The following HSPA12A variants were observed in gnomAD, a reference collection of about 807,000 sequenced individuals.
The protein encoded by HSPA12A is heat shock 70 kDa protein 12A.
HSPA12A carries 28 observed loss-of-function variants against 69.2 expected under a neutral mutation model. The ratio of observed to expected loss-of-function variants is 0.40; its 90% CI spans 0.30 to 0.55. HSPA12A has a LOEUF of 0.55. Ranked by LOEUF, HSPA12A falls within the 20% of genes least tolerant of loss-of-function variation. HSPA12A has a pLI of 0.38. For missense variants in HSPA12A, 686 were observed against 900.7 expected (o/e 0.76, Z 3.05); for synonymous variants, 345 against 370.5 (o/e 0.93, Z 0.79).
intron 3 of HSPA12A, among the ~76,000 whole-genome samples, chr10:116,704,811 T>C (rs1473165590): frequency 6.6e-6 from 1 of 152,126 alleles, no homozygotes; most frequent in Non-Finnish European, 1.5e-5. Context: ...ACACAGTAAG[T>C]GGCCAAGCTG....
At chr10:116,740,562 G>A (rs1180976728) in intron 1 of HSPA12A, among the ~76,000 whole-genome samples, 2 of 151,948 alleles carry the variant, frequency 1.3e-5, no homozygotes, top group East Asian at 1.9e-4. Context: ...CAGAACAAAC[G>A]CAGAAGAGCG....
intron 1 of HSPA12A, among the ~76,000 whole-genome samples, chr10:116,844,370 G>A (rs774125967): frequency 1.3e-5 from 2 of 152,054 alleles, no homozygotes; most frequent in Non-Finnish European, 2.9e-5. Flanking sequence ...CATCGATGAA[G>A]AAAAAAACAA....
chr10:116,850,127 GCTC>G, upstream of HSPA12A: 1 of 296,002 alleles, frequency 3.4e-6, no homozygotes, highest in Non-Finnish European at 6.6e-6. Context: ...ACCTTAAGCA[GCTC>G]CTCTTTGATC....
chr10:116,684,601 G>A (rs1231618728), intron 6 of HSPA12A, among the ~76,000 whole-genome samples: 2 of 152,094 alleles, frequency 1.3e-5, no homozygotes, highest in Admixed American at 1.3e-4. Flanking sequence ...GCTCCAGGAG[G>A]AAGCCCCTCC....
intron 2 of HSPA12A, chr10:116,750,456 A>T: frequency 1.8e-6 from 1 of 563,180 alleles, no homozygotes; most frequent in South Asian, 2.0e-5. Context: ...TATGATTTTG[A>T]AAACAAGGAA....
chr10:116,767,526 C>T (rs1844107205), intron 2 of HSPA12A, among the ~76,000 whole-genome samples: 1 of 152,324 alleles, frequency 6.6e-6, no homozygotes, highest in South Asian at 2.1e-4. Context: ...CTCCCACTAG[C>T]CTCAGCCAGC....
chr10:116,846,528 T>C (rs1845889005), intron 1 of HSPA12A, among the ~76,000 whole-genome samples: 2 of 152,026 alleles, frequency 1.3e-5, no homozygotes, highest in Non-Finnish European at 2.9e-5. Context: ...TTTTGTATTT[T>C]TAGTAGAGAC....
chr10:116,778,308 AAAGG>A (rs781814157), intron 2 of HSPA12A, among the ~76,000 whole-genome samples: 26 of 152,218 alleles, frequency 1.7e-4, no homozygotes, highest in Admixed American at 1.4e-3. Context: ...TTAATTCACC[AAAGG>A]ATGACTGGGC....
intron 2 of HSPA12A, among the ~76,000 whole-genome samples, chr10:116,834,234 G>C (rs1470799085): frequency 6.6e-6 from 1 of 152,180 alleles, no homozygotes; most frequent in Non-Finnish European, 1.5e-5. Context: ...GCAGCCACAA[G>C]AGCCCTAATT....
rs547008875 is a variant in HSPA12A, at chr10:116,723,207, T to C, written c.41-15922A>G. ...GATACCTCCATTACCCCCTAACCAT[T>C]GCCCCCCCATCATTCCTGTCCTCAT... On this transcript the variant is annotated intron_variant, in intron 1 of 11. Transcript: ENST00000369209. This position sits in a 1 kb window ranked among gnomAD's most constrained non-coding sequence, Gnocchi z 4.1. Among the ~76,000 whole-genome samples the C allele has an allele frequency of 1.7e-4, 25 of 150,926 alleles. No individual in the cohort carries two copies. The highest frequency in any genetic ancestry group is 3.1e-4 in the Non-Finnish European group (21 of 67,684).
intron 2 of HSPA12A, among the ~76,000 whole-genome samples, chr10:116,796,396 C>T (rs1401674761): frequency 6.6e-6 from 1 of 152,042 alleles, no homozygotes; most frequent in Admixed American, 6.6e-5. Context: ...GACAACGGGT[C>T]TTCGGGTCTT....
intron 2 of HSPA12A, among the ~76,000 whole-genome samples, chr10:116,798,598 G>C (rs1844886923): frequency 6.6e-6 from 1 of 152,054 alleles, no homozygotes; most frequent in Non-Finnish European, 1.5e-5. Context: ...GGGGGGTGAA[G>C]GACCGACATG....
At chr10:116,716,058 G>T (rs563358014) in intron 1 of HSPA12A, among the ~76,000 whole-genome samples, 1 of 151,752 alleles carries the variant, frequency 6.6e-6, no homozygotes, top group East Asian at 2.0e-4. Context: ...TGGGATGGGC[G>T]CCAGCCAGAT....
rs1849193793 is a variant in HSPA12A at position 116,675,194 on chromosome 10, C to T, written c.1615G>A (p.Val539Ile). The change falls in exon 12 of 12, where the codon GTA becomes ATA. Residue 539 changes from valine to isoleucine, a missense_variant. By Grantham distance (29) the Val-to-Ile change is conservative. Transcript: ENST00000369209. This position sits in a 1 kb window ranked among gnomAD's most constrained non-coding sequence, Gnocchi z 5.2. Reference protein sequence around the residue: ...KVRRSPLTYGVGVLNRYVEGK... With the variant: ...KVRRSPLTYGIGVLNRYVEGK... ...TCCACGTAGCGGTTCAGCACGCCTA[C>T]CCCGTAGGTGAGCGGCGACCGGCGC... The T allele has an allele frequency of 1.2e-6, 2 of 1,613,650 alleles. No individual in the cohort carries two copies. The highest frequency in any genetic ancestry group is 1.7e-6 in the Non-Finnish European group (2 of 1,180,042).
intron 6 of HSPA12A, among the ~76,000 whole-genome samples, chr10:116,690,346 G>T (rs1337672625): frequency 4.6e-5 from 7 of 152,168 alleles, no homozygotes; most frequent in Non-Finnish European, 1.5e-5. Context: ...GCCTACCACG[G>T]TCCTGACAGA....
In HSPA12A at chr10:116,763,157, A is replaced by G. The variant is rs183391075; in HGVS notation, c.92-55872T>C. The stretch of plus-strand genomic sequence containing the variant: ...CTGATGGTGACAGAGCTGACAGGGT[A>G]TGAAAAGATATACCCTGGTGTTGGT... On this transcript the variant is annotated intron_variant, in intron 2 of 12. Transcript: ENST00000635765. Among the ~76,000 whole-genome samples, 214 of 152,260 alleles carry G rather than the reference A, an allele frequency of 1.4e-3. 1 individual carries two copies. Among genetic ancestry groups the G allele is most frequent in the African/African-American group, 4.8e-3 (201 of 41,574 alleles).
intron 2 of HSPA12A, among the ~76,000 whole-genome samples, chr10:116,761,487 CAAAA>C (rs782209921): frequency 1.1e-5 from 1 of 90,470 alleles, no homozygotes; most frequent in Admixed American, 1.3e-4. Context: ...GACTCCATCT[CAAAA>C]AAAAAAAAAA....
intron 1 of HSPA12A, among the ~76,000 whole-genome samples, chr10:116,722,820 T>G (rs557513062): frequency 5.3e-5 from 8 of 152,202 alleles, no homozygotes; most frequent in Non-Finnish European, 1.0e-4. Context: ...ATTTTGCACA[T>G]GGACTCTTCA....
chr10:116,703,701 A>G (rs552134615), intron 3 of HSPA12A, among the ~76,000 whole-genome samples: 1 of 152,360 alleles, frequency 6.6e-6, no homozygotes, highest in South Asian at 2.1e-4. Context: ...GGGCTTCCAA[A>G]GATTCGAGGA....
Sources: allele counts gnomAD v4.1 joint callset (sites outside exome capture counted in the v4.1 genomes callset), GRCh38; gene constraint gnomAD v4.1.1; non-coding constraint Gnocchi (gnomAD v3.1); transcripts MANE v1.5; gene names NCBI Gene and HGNC (gene_info 2026-07-23, HGNC 2026-07-21).